The following GALC variants were observed in gnomAD, a reference collection of about 807,000 sequenced individuals.
GALC encodes the protein galactocerebrosidase.
Under a neutral mutation model 91.8 loss-of-function variants are expected in GALC, and 77 were observed. The observed-to-expected ratio is 0.84, with a 90% confidence interval of 0.70 to 1.01. GALC has a LOEUF of 1.01. Ranked by LOEUF, GALC falls within the 50% of genes least tolerant of loss-of-function variation. The pLI is 0.00. For missense variants in GALC, 882 were observed against 855.9 expected (o/e 1.03, Z -0.38); for synonymous variants, 357 against 306.7 (o/e 1.16, Z -1.71).
At chr14:87,986,357 GCTGGTAGCATA>G (rs1400567377) in intron 4 of GALC, 121 bp downstream of exon 4, 8 of 701,266 alleles carry the variant, frequency 1.1e-5, no homozygotes, top group Non-Finnish European at 2.1e-5. Flanking sequence ...ATGCTTTGCT[GCTGGTAGCATA>G]CTGGTAGCAT....
chr14:87,965,406 C>G (rs1345506626), intron 9 of GALC, 99 bp downstream of exon 9: 1 of 1,291,910 alleles, frequency 7.7e-7, no homozygotes, highest in East Asian at 2.3e-5. Context: ...ATACTTAAAA[C>G]ACGCATAGAC....
chr14:87,949,946 C>A lies in GALC; in HGVS notation c.1252-15G>T, dbSNP rs1358631406. The A allele has an allele frequency of 7.3e-7, 1 of 1,364,306 alleles. No homozygotes were observed. Among genetic ancestry groups the A allele is most frequent in the Non-Finnish European group, 1.0e-6 (1 of 954,194 alleles). The allele number at this position is 1,364,306 out of a possible 1,614,324, so 84.5% of individuals were successfully genotyped here. On this transcript the variant is annotated splice_polypyrimidine_tract_variant and intron_variant, in intron 11 of 16. Transcript: ENST00000261304. ...GGTATTTCACTCTGTAAAGAAAAGA[C>A]AAAAAAGCATGGCTGAGTAATTCAT...
intron 10 of GALC, chr14:87,953,336 A>C: frequency 7.0e-7 from 1 of 1,427,732 alleles, no homozygotes; most frequent in Non-Finnish European, 9.8e-7. Flanking sequence ...AGTTACGGGA[A>C]GATAAGAATA....
chr14:87,992,342 GAGT>G, intron 1 of GALC: 1 of 1,535,702 alleles, frequency 6.5e-7, no homozygotes, highest in South Asian at 1.2e-5. Context: ...GGCCCAGAGG[GAGT>G]ACCCGGTAGT....
At chr14:87,956,603 C>T (rs1287648246) in intron 10 of GALC, among the ~76,000 whole-genome samples, 7 of 143,530 alleles carry the variant, frequency 4.9e-5, no homozygotes, top group East Asian at 4.0e-4. Context: ...TACACACACA[C>T]ACACACACAC....
intron 10 of GALC, among the ~76,000 whole-genome samples, chr14:87,959,058 G>A (rs1406130519): frequency 6.6e-6 from 1 of 152,038 alleles, no homozygotes; most frequent in Non-Finnish European, 1.5e-5. Flanking sequence ...CAAAATGGGA[G>A]GAAATATTTG....
intron 10 of GALC, chr14:87,954,854 G>T (rs1469880288): frequency 6.2e-7 from 1 of 1,606,094 alleles, no homozygotes; most frequent in Non-Finnish European, 8.5e-7. Context: ...TGTTTTAGCT[G>T]CTTGCCATTT....
intron 10 of GALC, among the ~76,000 whole-genome samples, chr14:87,959,389 C>T (rs1446812714): frequency 2.0e-5 from 3 of 152,100 alleles, no homozygotes; most frequent in African/African-American, 4.8e-5. Flanking sequence ...TAAATTGGTA[C>T]AGCCACTATA....
chr14:87,962,912 A>G lies in GALC; in HGVS notation c.1161+472T>C, dbSNP rs181768343. ...TTGAATCCTTGATATGTCTGCTTTCAAGCCCCTACCTCCTCCCATGCCTCT... is the reference window on the plus strand; with the variant it reads ...TTGAATCCTTGATATGTCTGCTTTCGAGCCCCTACCTCCTCCCATGCCTCT... On this transcript the variant is annotated intron_variant, in intron 10 of 16. Coordinates refer to ENST00000261304, the MANE Select transcript of GALC (RefSeq NM_000153.4). Among the ~76,000 whole-genome samples the G allele has an allele frequency of 2.0e-4, 30 of 152,042 alleles. 2 individuals carry two copies. Among genetic ancestry groups the G allele is most frequent in the Admixed American group, 1.7e-3 (26 of 15,240 alleles).
At chr14:87,988,972 A>C (rs1887083928) in intron 1 of GALC, among the ~76,000 whole-genome samples, 1 of 152,210 alleles carries the variant, frequency 6.6e-6, no homozygotes, top group African/African-American at 2.4e-5. Context: ...ACCTGTTACT[A>C]TTAAGAATAA....
At chr14:87,973,516 C>A (rs935660241) in intron 7 of GALC, among the ~76,000 whole-genome samples, 3 of 151,952 alleles carry the variant, frequency 2.0e-5, no homozygotes, top group Non-Finnish European at 4.4e-5. Context: ...TTGTAGCTGT[C>A]AAATCAATAT....
chr14:87,953,957 G>C (rs1478217880), intron 10 of GALC: 26 of 1,609,416 alleles, frequency 1.6e-5, no homozygotes, highest in Non-Finnish European at 3.4e-6. Flanking sequence ...TTCTGTAGAG[G>C]ACTGCAGCAT....
rs566165164 is a variant in GALC, at chr14:87,992,744, C to G, written c.195+226G>C. 6.2e-3 allele frequency: 8,832 copies of G among 1,421,564 alleles called. 38 individuals are homozygous for G. Among genetic ancestry groups the G allele is most frequent in the Non-Finnish European group, 7.3e-3 (7,979 of 1,092,530 alleles). The allele number at this position is 1,421,564 out of a possible 1,614,324, so 88.1% of individuals were successfully genotyped here. ...TATACTCTCTGGACCTCCGGATCCT[C>G]ATTTGTTCAAACCTAACTGCCTGTC... On this transcript the variant is annotated intron_variant, in intron 1 of 16. Coordinates refer to ENST00000261304, the MANE Select transcript of GALC (RefSeq NM_000153.4).
At position 87,949,886 on chromosome 14, in the gene GALC, T is replaced by A. The variant is rs374105066; in HGVS notation, c.1297A>T (p.Thr433Ser). The A allele has an allele frequency of 5.0e-6, 8 of 1,599,512 alleles. No individual in the cohort carries two copies. The highest frequency in any genetic ancestry group is 6.9e-6 in the Non-Finnish European group (8 of 1,167,504). ...LQVWYTKLGK[T>S]SERFLFKQLD... is the part of the protein sequence containing the mutation. ...TGCTTAAAAAGAAATCTTTCGGATG[T>A]TTTTCCAAGTTTGGTATACCATACC... Residue 433 changes from threonine to serine, a missense_variant, in exon 12 of 17, where the codon ACA becomes TCA. Coordinates refer to ENST00000261304, the MANE Select transcript of GALC (RefSeq NM_000153.4).
At chr14:87,988,040 A>T (rs1887045643) in intron 3 of GALC, 104 bp downstream of exon 3, 4 of 879,760 alleles carry the variant, frequency 4.5e-6, no homozygotes, top group Admixed American at 1.8e-5. Context: ...AATCAATCTC[A>T]AAAGTGTTGG....
intron 3 of GALC, 39 bp from the exon 4 acceptor site, chr14:87,986,641 G>T: frequency 7.9e-7 from 1 of 1,258,376 alleles, no homozygotes; most frequent in Non-Finnish European, 1.2e-6. Flanking sequence ...AATGATCCAT[G>T]AATGGTACTT....
intron 7 of GALC, among the ~76,000 whole-genome samples, chr14:87,969,178 C>G (rs1234254706): frequency 1.3e-5 from 2 of 152,196 alleles, no homozygotes; most frequent in Non-Finnish European, 2.9e-5. Flanking sequence ...TTGGCACTAT[C>G]TGTAGACATT....
At chr14:87,954,190 T>G in intron 10 of GALC, 6 of 1,580,168 alleles carry the variant, frequency 3.8e-6, no homozygotes, top group Non-Finnish European at 5.2e-6. Context: ...CATTCCTACC[T>G]CAGAGATCTT....
At chr14:87,967,551 T>C (rs1886108381) in intron 8 of GALC, among the ~76,000 whole-genome samples, 2 of 152,188 alleles carry the variant, frequency 1.3e-5, no homozygotes, top group Non-Finnish European at 1.5e-5. Flanking sequence ...TAAAAAAAGC[T>C]AATTGGAATC....
Sources: allele counts gnomAD v4.1 joint callset (sites outside exome capture counted in the v4.1 genomes callset), GRCh38; gene constraint gnomAD v4.1.1; transcripts MANE v1.5; gene names NCBI Gene and HGNC (gene_info 2026-07-23, HGNC 2026-07-21).